Variants in HSF1 observed in about 807,000 individuals in gnomAD.
HSF1 encodes the protein heat shock factor protein 1.
Under a neutral mutation model 51.7 loss-of-function variants are expected in HSF1, and 32 were observed. That is an observed-to-expected ratio of 0.62 (90% CI 0.47 to 0.83). The LOEUF is 0.83. Among genes scored for constraint, HSF1 ranks in the 40% least tolerant of loss-of-function variants. HSF1 has a pLI of 0.00. For missense variants in HSF1, 727 were observed against 717.0 expected, an observed-to-expected ratio of 1.01 and a Z score of -0.16; for synonymous variants, 396 against 309.7, an observed-to-expected ratio of 1.28 and a Z score of -2.92.
intron 9 of HSF1, chr8:144,312,470 C>A: frequency 1.4e-6 from 1 of 736,958 alleles, no homozygotes; most frequent in Non-Finnish European, 2.3e-6. Flanking sequence ...CCGGGCCCTG[C>A]TCTCAGCCAC....
chr8:144,292,019 C>T (rs1564607686), intron 1 of HSF1, 145 bp downstream of exon 1: 5 of 456,230 alleles, frequency 1.1e-5, no homozygotes, highest in Non-Finnish European at 3.8e-6. Flanking sequence ...CAGAGAAGGG[C>T]GGCGGGTCCC....
chr8:144,300,760 G>T (rs953403265), intron 1 of HSF1, among the ~76,000 whole-genome samples: 2 of 152,196 alleles, frequency 1.3e-5, no homozygotes, highest in Non-Finnish European at 1.5e-5. Flanking sequence ...TGATGTCCTG[G>T]AGCAGAGGAA....
At chr8:144,312,825 A>G (rs1199115299) in intron 9 of HSF1, 10 of 935,880 alleles carry the variant, frequency 1.1e-5, no homozygotes, top group Non-Finnish European at 1.5e-5. Context: ...CCTGGGCGGC[A>G]GCAGCCGAGA....
At position 144,314,175 on chromosome 8, in the gene HSF1, G is replaced by A. The variant is rs1203858245; in HGVS notation, c.1435G>A (p.Gly479Ser). The change falls in exon 13 of 13, where the codon GGC becomes AGC. Residue 479 changes from glycine (G) to serine (S), a missense_variant. This residue lies in a region of HSF1 where 470 missense variants were observed against 398.8 expected (regional missense o/e 1.18). Coordinates refer to ENST00000528838, the MANE Select transcript of HSF1 (RefSeq NM_005526.4). ...GCAGCCGCTGTTCCTGCTGGACCCC[G>A]GCTCCGTGGACACCGGGAGCAACGA... ...TAQPLFLLDP[G>S]SVDTGSNDLP... 7 of 1,409,924 alleles carry A rather than the reference G, an allele frequency of 5.0e-6. No individual in the cohort carries two copies. The highest frequency in any genetic ancestry group is 2.4e-5 in the South Asian group (2 of 81,862). The allele number at this position is 1,409,924 out of a possible 1,614,324, so 87.3% of individuals were successfully genotyped here. A position where few individuals can be genotyped will look rare whatever the true frequency, so the allele number is the denominator to read the frequency against.
chr8:144,313,998 T>C lies in HSF1; in HGVS notation c.1328T>C (p.Leu443Pro). The C allele has an allele frequency of 1.2e-6, 2 of 1,611,002 alleles. No individual in the cohort carries two copies. Among genetic ancestry groups the C allele is most frequent in the South Asian group, 2.2e-5 (2 of 90,974 alleles). ...TCCACCCCACAGATCCAAGAGCTCC[T>C]GTCTCCCCAGGAGCCCCCCAGGCCT... ...DSSLASIQELLSPQEPPRPPE... is the reference protein window; with the variant it reads ...DSSLASIQELPSPQEPPRPPE... Residue 443 changes from leucine to proline, a missense_variant, in exon 12 of 13, where the codon CTG (leucine) becomes CCG (proline). This residue lies in a region of HSF1 where 470 missense variants were observed against 398.8 expected (regional missense o/e 1.18). Transcript: ENST00000528838.
intron 1 of HSF1, among the ~76,000 whole-genome samples, chr8:144,296,407 C>T (rs1395653465): frequency 1.3e-5 from 2 of 152,228 alleles, no homozygotes; most frequent in African/African-American, 4.8e-5. Context: ...GCCCAAGATG[C>T]TGGAGGCCCC....
chr8:144,310,234 C>T (rs868921090), intron 4 of HSF1: 2 of 248,166 alleles, frequency 8.1e-6, no homozygotes, highest in South Asian at 6.3e-5. Flanking sequence ...AGACCCGTCC[C>T]ACCCGCCTCG....
chr8:144,310,247 C>T, intron 4 of HSF1: 1 of 227,744 alleles, frequency 4.4e-6, no homozygotes, highest in Non-Finnish European at 8.7e-6. Context: ...CCGCCTCGGG[C>T]CTGGGGTCAG....
At chr8:144,306,594 C>A (rs1554843360) in intron 1 of HSF1, among the ~76,000 whole-genome samples, 1 of 152,162 alleles carries the variant, frequency 6.6e-6, no homozygotes, top group African/African-American at 2.4e-5. Flanking sequence ...AACTCCTGAG[C>A]TTGAGCAACC....
intron 2 of HSF1, 149 bp downstream of exon 2, chr8:144,309,163 G>A (rs1816428447): frequency 2.9e-6 from 2 of 700,720 alleles, no homozygotes; most frequent in Non-Finnish European, 2.4e-6. Context: ...GGGCCGGGGA[G>A]CAGCCGCCTC....
intron 12 of HSF1, 30 bp downstream of exon 12, chr8:144,314,084 G>GGCCCC: frequency 7.5e-7 from 1 of 1,329,870 alleles, no homozygotes; most frequent in Non-Finnish European, 9.9e-7. Context: ...CCCCACCTCT[G>GGCCCC]CCCCCAACCC....
rs781801701 is a variant in HSF1 at position 144,313,908 on chromosome 8, C to T, written c.1311C>T (p.Ala437=). 2 of 1,609,580 alleles carry T rather than the reference C, an allele frequency of 1.2e-6. No homozygotes were observed. Among genetic ancestry groups the T allele is most frequent in the South Asian group, 1.1e-5 (1 of 90,868 alleles). ...MSLPDLDSSL[A]SIQELLSPQE... ...TGCCTGACCTTGACAGCAGCCTGGCCAGTGTGCGTAGGCGGGCGGGGGGTG... is the reference window on the plus strand; with the variant it reads ...TGCCTGACCTTGACAGCAGCCTGGCTAGTGTGCGTAGGCGGGCGGGGGGTG... Residue 437 remains alanine, a synonymous_variant, in exon 11 of 13, where the codon GCC becomes GCT. Coordinates refer to ENST00000528838, the MANE Select transcript of HSF1 (RefSeq NM_005526.4).
At position 144,309,934 on chromosome 8, in the gene HSF1, C is replaced by T. The variant is rs375975314; in HGVS notation, c.488+38C>T. 653 of 1,531,458 alleles carry T rather than the reference C, an allele frequency of 4.3e-4. 4 individuals are homozygous for T. Among genetic ancestry groups the T allele is most frequent in the Admixed American group, 1.7e-4 (9 of 53,762 alleles). 94.9% of individuals were successfully genotyped at this position (1,531,458 alleles called of 1,614,324 possible). On this transcript the variant is annotated intron_variant, in intron 4 of 12. Coordinates refer to ENST00000528838, the MANE Select transcript of HSF1 (RefSeq NM_005526.4). ...CCAGCATTATGGGCCACAGCGGGTC[C>T]TGGCGCCCACCAAGAGGCCCCGGGT...
chr8:144,312,957 A>G (rs1554845337), intron 9 of HSF1: 1 of 573,520 alleles, frequency 1.7e-6, no homozygotes, highest in Non-Finnish European at 3.1e-6. Flanking sequence ...TGGTGTTGGC[A>G]GGATCCAGAC....
chr8:144,308,516 G>A (rs925781308), intron 1 of HSF1, among the ~76,000 whole-genome samples: 1 of 152,190 alleles, frequency 6.6e-6, no homozygotes, highest in Non-Finnish European at 1.5e-5. Context: ...GGTGCTTTGT[G>A]AGTGGAAACG....
At chr8:144,302,178 T>A (rs1441437072) in intron 1 of HSF1, among the ~76,000 whole-genome samples, 5 of 138,980 alleles carry the variant, frequency 3.6e-5, no homozygotes, top group African/African-American at 1.1e-4. Context: ...AAAAAAAAAA[T>A]TTTTTTTTGC....
intron 1 of HSF1, among the ~76,000 whole-genome samples, chr8:144,304,482 G>A (rs1306001722): frequency 6.6e-6 from 1 of 152,182 alleles, no homozygotes; most frequent in Admixed American, 6.5e-5. Flanking sequence ...GTCTCGCTAT[G>A]TTGCCCAGGC....
chr8:144,302,342 A>G (rs1349638111), intron 1 of HSF1, among the ~76,000 whole-genome samples: 6 of 150,318 alleles, frequency 4.0e-5, no homozygotes, highest in Non-Finnish European at 8.9e-5. Flanking sequence ...CCCCGTCTCT[A>G]CTGAAAATAC....
At chr8:144,296,592 G>A (rs376915808) in intron 1 of HSF1, among the ~76,000 whole-genome samples, 4 of 152,270 alleles carry the variant, frequency 2.6e-5, no homozygotes, top group Admixed American at 6.5e-5. Flanking sequence ...AGATCAGGAG[G>A]TCAGGAGATT....
Sources: allele counts gnomAD v4.1 joint callset (sites outside exome capture counted in the v4.1 genomes callset), GRCh38; gene constraint gnomAD v4.1.1; regional missense constraint gnomAD v4.1.1; transcripts MANE v1.5; gene names NCBI Gene and HGNC (gene_info 2026-07-23, HGNC 2026-07-21).